DNMT3A: variants seen among roughly 807,000 people sequenced by gnomAD.
The protein encoded by DNMT3A is DNA methyltransferase 3 alpha, also known as DNA (cytosine-5)-methyltransferase 3A.
DNMT3A carries 267 observed loss-of-function variants against 117.6 expected under a neutral mutation model. That is an observed-to-expected ratio of 2.27 (90% CI 2.05 to 2.51). The LOEUF (loss-of-function observed/expected upper bound fraction) is 2.51, where lower values mean the gene tolerates loss of function less well. Among genes scored for constraint, DNMT3A ranks in the 30% most tolerant of loss-of-function variants. DNMT3A has a pLI of 0.00. For synonymous variants in DNMT3A, 432 were observed against 474.8 expected (o/e 0.91, Z 1.17); for missense variants, 1,029 against 1,260.2 (o/e 0.82, Z 2.78).
intron 6 of DNMT3A, among the ~76,000 whole-genome samples, chr2:25,262,880 C>T (rs1278063953): frequency 6.6e-6 from 1 of 152,186 alleles, no homozygotes; most frequent in African/African-American, 2.4e-5. Context: ...CTAAACAACC[C>T]AGAAGTCATG....
intron 1 of DNMT3A, among the ~76,000 whole-genome samples, chr2:25,325,459 CT>C (rs1443848211): frequency 1.3e-5 from 2 of 152,152 alleles, no homozygotes; most frequent in Non-Finnish European, 2.9e-5. Context: ...TGTTTCTCTA[CT>C]TTTCCAACCT....
chr2:25,294,246 T>G lies in DNMT3A; in HGVS notation c.177+5893A>C, dbSNP rs1351045294. ...TCCCACTGCACTTAAGTCCCCACCATGGGCTAGGCCCTTCCATGCAGCACT... is the reference window on the plus strand; with the variant it reads ...TCCCACTGCACTTAAGTCCCCACCAGGGGCTAGGCCCTTCCATGCAGCACT... On this transcript the variant is annotated intron_variant, in intron 3 of 22. Transcript: ENST00000321117. The surrounding 1 kb of genome is among the most constrained non-coding windows in gnomAD (Gnocchi z 4.7). 6.6e-6 allele frequency among the ~76,000 whole-genome samples: 1 copy of G among 152,154 alleles called. No individual in the cohort carries two copies. The highest frequency in any genetic ancestry group is 1.5e-5 in the Non-Finnish European group (1 of 68,020).
At chr2:25,287,285 C>T (rs1170666788) in intron 3 of DNMT3A, among the ~76,000 whole-genome samples, 1 of 151,912 alleles carries the variant, frequency 6.6e-6, no homozygotes, top group Non-Finnish European at 1.5e-5. Context: ...TGGGAAAAGC[C>T]GCAGTAACTA....
At position 25,306,184 on chromosome 2, in the gene DNMT3A, G is replaced by C. The variant is rs2033772252; in HGVS notation, c.73-5941C>G. On this transcript the variant is annotated intron_variant, in intron 2 of 22. Coordinates refer to ENST00000321117, the MANE Select transcript of DNMT3A (RefSeq NM_022552.5). The surrounding 1 kb of genome is among the most constrained non-coding windows in gnomAD (Gnocchi z 4.1). ...CGCTTGCGTACCCCAATGCCACACA[G>C]ACACTCACATATGCTTGCACACACA... 6.6e-6 allele frequency among the ~76,000 whole-genome samples: 1 copy of C among 152,186 alleles called. No individual in the cohort carries two copies. The highest frequency in any genetic ancestry group is 2.1e-4 in the South Asian group (1 of 4,832).
intron 1 of DNMT3A, among the ~76,000 whole-genome samples, chr2:25,326,594 G>C (rs1242121665): frequency 6.6e-6 from 1 of 152,188 alleles, no homozygotes; most frequent in Non-Finnish European, 1.5e-5. Context: ...TGAAGGAGGA[G>C]GTGGGTTTCC....
chr2:25,274,595 G>A (rs2031232581), intron 6 of DNMT3A, among the ~76,000 whole-genome samples: 1 of 152,140 alleles, frequency 6.6e-6, no homozygotes, highest in South Asian at 2.1e-4. Context: ...TAACTGAAAT[G>A]CCACCTCCTC....
In DNMT3A at chr2:25,306,007, C is replaced by T. The variant is rs2033763722; in HGVS notation, c.73-5764G>A. 6.6e-6 allele frequency among the ~76,000 whole-genome samples: 1 copy of T among 152,332 alleles called. No individual in the cohort carries two copies. Among genetic ancestry groups the T allele is most frequent in the East Asian group, 1.9e-4 (1 of 5,186 alleles). On this transcript the variant is annotated intron_variant, in intron 2 of 22. Coordinates refer to ENST00000321117, the MANE Select transcript of DNMT3A (RefSeq NM_022552.5). The surrounding 1 kb of genome is among the most constrained non-coding windows in gnomAD (Gnocchi z 4.1). ...AGCTACTTGCCCGGGCCCCCTGGGA[C>T]AAGAAGCATGCCCAGCCTTTGCCAG...
intron 3 of DNMT3A, among the ~76,000 whole-genome samples, chr2:25,283,722 A>G (rs1441995114): frequency 6.6e-6 from 1 of 152,204 alleles, no homozygotes; most frequent in Non-Finnish European, 1.5e-5. Context: ...AAGGGAAATC[A>G]TTTCTTTATC....
chr2:25,274,153 A>G (rs1269313266), intron 6 of DNMT3A, among the ~76,000 whole-genome samples: 1 of 152,128 alleles, frequency 6.6e-6, no homozygotes, highest in Non-Finnish European at 1.5e-5. Context: ...CATCTGAGCA[A>G]ATGGCACAAC....
intron 1 of DNMT3A, among the ~76,000 whole-genome samples, chr2:25,320,929 C>G (rs78424226): frequency 1.3e-5 from 2 of 152,054 alleles, no homozygotes; most frequent in Non-Finnish European, 2.9e-5. Flanking sequence ...GTCGGAAGTT[C>G]AAGACCAGCC....
chr2:25,334,648 C>A (rs187438715), intron 1 of DNMT3A, among the ~76,000 whole-genome samples: 2 of 152,354 alleles, frequency 1.3e-5, no homozygotes, highest in Admixed American at 1.3e-4. Flanking sequence ...AACTTTGTCC[C>A]CTGTCCCTGG....
In DNMT3A at chr2:25,247,716, A is replaced by AC; in HGVS notation, c.888dup (p.Trp297ValfsTer27). 6.2e-7 allele frequency: 1 copy of AC among 1,612,480 alleles called. No homozygotes were observed. Among genetic ancestry groups the AC allele is most frequent in the Non-Finnish European group, 8.5e-7 (1 of 1,179,814 alleles). On this transcript the variant is annotated frameshift_variant, in exon 8 of 23. Coordinates refer to ENST00000321117, the MANE Select transcript of DNMT3A (RefSeq NM_022552.5). LOFTEE classifies it high-confidence loss of function. The surrounding 1 kb of genome is among the most constrained non-coding windows in gnomAD (Gnocchi z 5.6). ...CAGGAGAAGCCCCGCAGTTTCCCCC[A>AC]CACCAGCTCCCCAATGCCAAAGCCC...
intron 3 of DNMT3A, among the ~76,000 whole-genome samples, chr2:25,283,467 C>G (rs1307122732): frequency 6.6e-6 from 1 of 151,968 alleles, no homozygotes; most frequent in Non-Finnish European, 1.5e-5. Flanking sequence ...GGGACTCAGG[C>G]TGGTCTGACT....
chr2:25,261,045 G>C (rs1028498206), intron 6 of DNMT3A, among the ~76,000 whole-genome samples: 1 of 152,016 alleles, frequency 6.6e-6, no homozygotes, highest in African/African-American at 2.4e-5. Flanking sequence ...TGTAATTCCA[G>C]CACTTTGGGA....
At chr2:25,274,396 A>G (rs2031212947) in intron 6 of DNMT3A, among the ~76,000 whole-genome samples, 1 of 152,242 alleles carries the variant, frequency 6.6e-6, no homozygotes, top group Admixed American at 6.5e-5. Flanking sequence ...CAGACTCTGC[A>G]GGTCTCCAAC....
rs1370865331 is a variant in DNMT3A at position 25,327,351 on chromosome 2, C to A, written c.-177-13190G>T. Among the ~76,000 whole-genome samples the A allele has an allele frequency of 6.6e-6, 1 of 152,152 alleles. No individual in the cohort carries two copies. Among genetic ancestry groups the A allele is most frequent in the Non-Finnish European group, 1.5e-5 (1 of 68,028 alleles). ...TTTTTCCATCCTCATGGCCCTTGAGCTCAATTCAACATCCTGGCCAGCTAA... is the reference window on the plus strand; with the variant it reads ...TTTTTCCATCCTCATGGCCCTTGAGATCAATTCAACATCCTGGCCAGCTAA... On this transcript the variant is annotated intron_variant, in intron 1 of 22. Coordinates refer to ENST00000321117, the MANE Select transcript of DNMT3A (RefSeq NM_022552.5). The surrounding 1 kb of genome is among the most constrained non-coding windows in gnomAD (Gnocchi z 4.1).
chr2:25,324,411 C>T (rs1398844347), intron 1 of DNMT3A, among the ~76,000 whole-genome samples: 1 of 152,218 alleles, frequency 6.6e-6, no homozygotes, highest in South Asian at 2.1e-4. Flanking sequence ...CAGAACCCTT[C>T]GCAAATGTGG....
Position 25,246,660 on chromosome 2 carries a change from G to A in DNMT3A, c.1239C>T (p.Gly413=). 1.2e-6 allele frequency: 2 copies of A among 1,613,334 alleles called. No homozygotes were observed. The highest frequency in any genetic ancestry group is 2.2e-5 in the East Asian group (1 of 44,880). ...GGCCCTTAGGGCCAGAAGGCTGGAA[G>A]CCCCCCAGGGCCCATTCAATCATGG... ...NKPMIEWALG[G]FQPSGPKGLE... is the part of the protein sequence containing the mutation. Residue 413 remains glycine, a synonymous_variant, in exon 10 of 23, where the codon GGC becomes GGT. Transcript: ENST00000321117.
At chr2:25,318,950 C>T (rs1275834847) in intron 1 of DNMT3A, among the ~76,000 whole-genome samples, 6 of 148,792 alleles carry the variant, frequency 4.0e-5, no homozygotes, top group African/African-American at 7.4e-5. Context: ...CTGCCTGCCT[C>T]GGCCTCCCAA....
Sources: allele counts gnomAD v4.1 joint callset (sites outside exome capture counted in the v4.1 genomes callset), GRCh38; gene constraint gnomAD v4.1.1; non-coding constraint Gnocchi (gnomAD v3.1); transcripts MANE v1.5; gene names NCBI Gene and HGNC (gene_info 2026-07-23, HGNC 2026-07-21).